Variants in IQCM observed in about 807,000 individuals in gnomAD.
IQCM encodes the protein IQ domain-containing protein M.
IQCM carries 45 observed loss-of-function variants against 57.6 expected under a neutral mutation model. That is an observed-to-expected ratio of 0.78 (90% CI 0.62 to 1.00). The LOEUF (loss-of-function observed/expected upper bound fraction) is 1.00, where lower values mean the gene tolerates loss of function less well. IQCM is among the 50% of genes least tolerant of loss of function. IQCM has a pLI of 0.00. For missense variants in IQCM, 468 were observed against 511.6 expected, an observed-to-expected ratio of 0.91 and a Z score of 0.82; for synonymous variants, 148 against 158.9, an observed-to-expected ratio of 0.93 and a Z score of 0.51.
intron 12 of IQCM, among the ~76,000 whole-genome samples, chr4:149,437,761 A>G (rs1735509852): frequency 1.3e-5 from 2 of 152,172 alleles, no homozygotes; most frequent in Non-Finnish European, 2.9e-5. Flanking sequence ...AAGTGAGCAT[A>G]ATAAAAAGAA....
At chr4:149,666,780 T>A (rs1760767769) in intron 7 of IQCM, among the ~76,000 whole-genome samples, 1 of 151,954 alleles carries the variant, frequency 6.6e-6, no homozygotes, top group Admixed American at 6.6e-5. Context: ...GAGTAGGCAT[T>A]TTCCCCTCAC....
chr4:149,445,680 C>T (rs182122703), intron 12 of IQCM, among the ~76,000 whole-genome samples: 5 of 151,796 alleles, frequency 3.3e-5, no homozygotes, highest in South Asian at 4.1e-4. Flanking sequence ...TTATCTGTAT[C>T]GTTACTCTAT....
chr4:149,453,298 T>C (rs1031645706), intron 12 of IQCM, among the ~76,000 whole-genome samples: 3 of 151,722 alleles, frequency 2.0e-5, no homozygotes, highest in African/African-American at 7.3e-5. Context: ...GGTTAGGCAA[T>C]GGTTTCCTAA....
intron 12 of IQCM, among the ~76,000 whole-genome samples, chr4:149,524,916 A>G (rs189356175): frequency 6.6e-6 from 1 of 151,852 alleles, no homozygotes; most frequent in Non-Finnish European, 1.5e-5. Flanking sequence ...TCCTAAAACT[A>G]ATATAAACCA....
At chr4:149,446,633 A>G (rs1295277777) in intron 12 of IQCM, among the ~76,000 whole-genome samples, 1 of 151,656 alleles carries the variant, frequency 6.6e-6, no homozygotes, top group Non-Finnish European at 1.5e-5. Flanking sequence ...TTACTCATTT[A>G]TTAACTGTAG....
chr4:149,354,845 C>G (rs1021277841), intron 13 of IQCM, among the ~76,000 whole-genome samples: 1 of 152,030 alleles, frequency 6.6e-6, no homozygotes, highest in East Asian at 1.9e-4. Flanking sequence ...AATATTAACT[C>G]TTCAGTTGTA....
At chr4:149,587,205 G>T (rs952169740) in intron 9 of IQCM, among the ~76,000 whole-genome samples, 1 of 151,676 alleles carries the variant, frequency 6.6e-6, no homozygotes, top group Non-Finnish European at 1.5e-5. Context: ...GATAAATGGG[G>T]ATCTTACCCA....
chr4:149,481,715 T>TGTTTTG (rs1175028121), intron 12 of IQCM, among the ~76,000 whole-genome samples: 1 of 138,342 alleles, frequency 7.2e-6, no homozygotes, highest in Non-Finnish European at 1.6e-5. Context: ...TTTTTTTTTT[T>TGTTTTG]TTTTTTTGCT....
intron 5 of IQCM, among the ~76,000 whole-genome samples, chr4:149,697,888 A>G (rs1763457030): frequency 6.6e-6 from 1 of 152,072 alleles, no homozygotes; most frequent in Non-Finnish European, 1.5e-5. Context: ...TTCCCCTGGT[A>G]TGTTATGAGT....
chr4:149,365,488 G>T (rs1247347970), intron 13 of IQCM, among the ~76,000 whole-genome samples: 1 of 152,058 alleles, frequency 6.6e-6, no homozygotes, highest in African/African-American at 2.4e-5. Context: ...TTTAATTCCT[G>T]TCCCCTACCC....
chr4:149,516,858 C>T (rs1217542468), intron 12 of IQCM, among the ~76,000 whole-genome samples: 3 of 151,966 alleles, frequency 2.0e-5, no homozygotes, highest in Non-Finnish European at 2.9e-5. Context: ...TCACTTCCAC[C>T]TTTAAGTCAA....
At chr4:149,764,695 T>A (rs185021086) in intron 2 of IQCM, among the ~76,000 whole-genome samples, 2 of 152,232 alleles carry the variant, frequency 1.3e-5, no homozygotes, top group African/African-American at 4.8e-5. Context: ...AAGTTTCCCC[T>A]GCCTTTCTAC....
chr4:149,714,862 A>G (rs1427893614), intron 5 of IQCM, among the ~76,000 whole-genome samples: 2 of 152,190 alleles, frequency 1.3e-5, no homozygotes, highest in African/African-American at 2.4e-5. Flanking sequence ...TATAGTGTGG[A>G]TATGCTGGAG....
chr4:149,805,340 T>C (rs1773975992), intron 2 of IQCM, among the ~76,000 whole-genome samples: 1 of 152,028 alleles, frequency 6.6e-6, no homozygotes, highest in Admixed American at 6.6e-5. Flanking sequence ...ACATGTTAAA[T>C]AAAAAATGAG....
intron 12 of IQCM, among the ~76,000 whole-genome samples, chr4:149,438,498 G>A (rs4574387): frequency 0.37 from 56,638 of 151,804 alleles, 11,657 homozygotes; most frequent in East Asian, 0.51. Context: ...TAAATGCTGT[G>A]CTTTTAACAC....
At chr4:149,368,322 T>C (rs1729983454) in intron 13 of IQCM, among the ~76,000 whole-genome samples, 1 of 152,014 alleles carries the variant, frequency 6.6e-6, no homozygotes, top group South Asian at 2.1e-4. Context: ...AGTATTGATG[T>C]TATAAACTAT....
chr4:149,510,917 G>T (rs144739331), intron 12 of IQCM, among the ~76,000 whole-genome samples: 8 of 152,252 alleles, frequency 5.3e-5, no homozygotes, highest in African/African-American at 1.4e-4. Flanking sequence ...GTTATTACTT[G>T]TCTCTTTCTA....
chr4:149,744,240 C>G (rs778136827), intron 2 of IQCM, among the ~76,000 whole-genome samples: 1 of 152,164 alleles, frequency 6.6e-6, no homozygotes, highest in Non-Finnish European at 1.5e-5. Flanking sequence ...TGGGCTAGAG[C>G]ACAGAACATG....
intron 7 of IQCM, among the ~76,000 whole-genome samples, chr4:149,660,531 A>G (rs1760089384): frequency 6.6e-6 from 1 of 152,214 alleles, no homozygotes; most frequent in Non-Finnish European, 1.5e-5. Context: ...ACACATGCAC[A>G]TGTATGTTTA....
Sources: gnomAD v4.1 joint callset for allele counts (sites outside exome capture counted in the v4.1 genomes callset) on GRCh38, gnomAD v4.1.1 for gene constraint, MANE v1.5 for transcripts, NCBI Gene and HGNC (gene_info 2026-07-23, HGNC 2026-07-21) for gene names.